ZNF131: variants seen among roughly 807,000 people sequenced by gnomAD.
ZNF131 encodes zinc finger and BTB domain containing 35, also known as zinc finger protein 131.
In ZNF131, 7 loss-of-function variants were observed where a neutral mutation model predicts 60.0. That is an observed-to-expected ratio of 0.12 (90% CI 0.07 to 0.22). The LOEUF is 0.22. Ranked by LOEUF, ZNF131 falls within the 10% of genes least tolerant of loss-of-function variation. The probability of loss-of-function intolerance (pLI) is 1.00; values close to 1 mark genes in which losing one functional copy is unlikely to be tolerated. For synonymous variants in ZNF131, 257 were observed against 253.2 expected, an observed-to-expected ratio of 1.01 and a Z score of -0.14; for missense variants, 493 against 740.9, an observed-to-expected ratio of 0.67 and a Z score of 3.88.
At chr5:43,137,725 G>T (rs1320413648) in intron 3 of ZNF131, among the ~76,000 whole-genome samples, 1 of 152,150 alleles carries the variant, frequency 6.6e-6, no homozygotes, top group Non-Finnish European at 1.5e-5. Flanking sequence ...AATCCCACTT[G>T]CTGAACATTT....
At chr5:43,132,900 G>A (rs888572733) in intron 3 of ZNF131, among the ~76,000 whole-genome samples, 3 of 152,142 alleles carry the variant, frequency 2.0e-5, no homozygotes, top group Admixed American at 2.0e-4. Flanking sequence ...CCTGAAGGCC[G>A]CATTCAGATG....
intron 1 of ZNF131, 40 bp from the exon 2 acceptor site, chr5:43,121,999 C>G (rs111680043): frequency 5.0e-6 from 8 of 1,585,956 alleles, no homozygotes; most frequent in South Asian, 2.3e-5. Context: ...TTCCTCGGCT[C>G]GAGCTCATGG....
intron 4 of ZNF131, among the ~76,000 whole-genome samples, chr5:43,151,845 C>T (rs79861885): frequency 0.053 from 8,033 of 152,168 alleles, 313 homozygotes; most frequent in South Asian, 0.13. Flanking sequence ...TGCAATTGTT[C>T]GTGCCTCCAA....
intron 4 of ZNF131, among the ~76,000 whole-genome samples, chr5:43,153,726 T>G (rs1748613309): frequency 6.6e-6 from 1 of 152,172 alleles, no homozygotes; most frequent in Non-Finnish European, 1.5e-5. Context: ...CCCTTCTGTC[T>G]TCATCATTAT....
intron 5 of ZNF131, among the ~76,000 whole-genome samples, chr5:43,169,775 C>T (rs963024590): frequency 6.6e-6 from 1 of 151,346 alleles, no homozygotes; most frequent in African/African-American, 2.4e-5. Context: ...ATTGCCAGGT[C>T]AAAGAATATG....
chr5:43,170,953 A>G (rs998840830), intron 5 of ZNF131, among the ~76,000 whole-genome samples: 2 of 139,236 alleles, frequency 1.4e-5, no homozygotes, highest in African/African-American at 5.4e-5. Context: ...ATTTTTTTTT[A>G]AATTTTTTTG....
intron 4 of ZNF131, among the ~76,000 whole-genome samples, chr5:43,150,073 C>G (rs940612858): frequency 6.6e-6 from 1 of 152,136 alleles, no homozygotes; most frequent in Non-Finnish European, 1.5e-5. Context: ...TCCCTGTCCC[C>G]CTAGTCCCAC....
At chr5:43,169,795 C>CTT (rs199970490) in intron 5 of ZNF131, among the ~76,000 whole-genome samples, 29 of 142,686 alleles carry the variant, frequency 2.0e-4, no homozygotes, top group African/African-American at 6.6e-4. Context: ...GCACTTTTTT[C>CTT]TTTTTTTTTT....
chr5:43,164,945 T>C (rs191718344), intron 5 of ZNF131, among the ~76,000 whole-genome samples: 1 of 150,296 alleles, frequency 6.7e-6, no homozygotes, highest in African/African-American at 2.4e-5. Flanking sequence ...TGTTCTCTTC[T>C]CTCCTCTCCT....
intron 4 of ZNF131, among the ~76,000 whole-genome samples, chr5:43,142,817 A>G (rs1449279052): frequency 6.6e-6 from 1 of 151,706 alleles, no homozygotes; most frequent in Non-Finnish European, 1.5e-5. Flanking sequence ...TTAGCCTCCC[A>G]AGTAGCTGGG....
intron 3 of ZNF131, among the ~76,000 whole-genome samples, chr5:43,131,557 A>G (rs898344101): frequency 3.3e-5 from 5 of 152,294 alleles, no homozygotes; most frequent in South Asian, 2.1e-4. Context: ...AAGATTGTCA[A>G]CAAGTGTTTG....
At chr5:43,133,543 C>G (rs1275724653) in intron 3 of ZNF131, among the ~76,000 whole-genome samples, 2 of 152,126 alleles carry the variant, frequency 1.3e-5, no homozygotes, top group African/African-American at 4.8e-5. Context: ...TTAGGAAGCA[C>G]TGTTAGGTAC....
At chr5:43,166,581 C>T (rs574563311) in intron 5 of ZNF131, among the ~76,000 whole-genome samples, 23 of 151,888 alleles carry the variant, frequency 1.5e-4, no homozygotes, top group African/African-American at 5.6e-4. Context: ...AGGATGGTCT[C>T]GATCTCTTGA....
At chr5:43,160,416 C>T (rs1749537122) in intron 4 of ZNF131, among the ~76,000 whole-genome samples, 1 of 151,790 alleles carries the variant, frequency 6.6e-6, no homozygotes, top group South Asian at 2.1e-4. Context: ...GGGAGGATCA[C>T]TTGAGCCCAA....
intron 4 of ZNF131, among the ~76,000 whole-genome samples, chr5:43,145,122 A>G (rs990335647): frequency 2.0e-5 from 3 of 151,850 alleles, no homozygotes; most frequent in Non-Finnish European, 2.9e-5. Context: ...TTGAAAAACT[A>G]CCTCGAAATT....
intron 5 of ZNF131, among the ~76,000 whole-genome samples, chr5:43,171,915 G>A (rs1258239946): frequency 1.3e-5 from 2 of 152,064 alleles, no homozygotes; most frequent in African/African-American, 2.4e-5. Context: ...CCACCGCCCC[G>A]GGCCAGCCGT....
At chr5:43,125,081 A>G (rs1452314686) in intron 3 of ZNF131, 1 of 152,040 alleles carries the variant, frequency 6.6e-6, no homozygotes, top group Admixed American at 6.6e-5. Context: ...ATAATATATC[A>G]TGTACTATGT....
At chr5:43,151,904 C>T (rs1748360626) in intron 4 of ZNF131, among the ~76,000 whole-genome samples, 1 of 152,170 alleles carries the variant, frequency 6.6e-6, no homozygotes, top group Non-Finnish European at 1.5e-5. Flanking sequence ...GATATAGCCT[C>T]CAATGTAGTC....
At chr5:43,137,139 C>T (rs1038695543) in intron 3 of ZNF131, among the ~76,000 whole-genome samples, 2 of 152,068 alleles carry the variant, frequency 1.3e-5, no homozygotes, top group African/African-American at 4.8e-5. Flanking sequence ...GAAGCTTCAC[C>T]ACATCATTCT....
Sources: gnomAD v4.1 joint callset for allele counts (sites outside exome capture counted in the v4.1 genomes callset) on GRCh38, gnomAD v4.1.1 for gene constraint, MANE v1.5 for transcripts, NCBI Gene and HGNC (gene_info 2026-07-23, HGNC 2026-07-21) for gene names.